SCMH1: variants seen among roughly 807,000 people sequenced by gnomAD.
SCMH1 encodes the protein Scm polycomb group protein homolog 1, also known as polycomb protein SCMH1.
A neutral mutation model predicts 70.8 loss-of-function variants in SCMH1; 37 were observed. The observed-to-expected ratio is 0.52, with a 90% CI of 0.40 to 0.69. The LOEUF is 0.69. SCMH1 is among the 30% of genes least tolerant of loss of function. The pLI, the probability that SCMH1 is intolerant of heterozygous loss-of-function variation, is 0.00. For synonymous variants in SCMH1, 292 were observed against 307.4 expected, an observed-to-expected ratio of 0.95 and a Z score of 0.52; for missense variants, 607 against 827.3, an observed-to-expected ratio of 0.73 and a Z score of 3.27.
At chr1:41,127,239 T>A (rs1156936935) in intron 6 of SCMH1, among the ~76,000 whole-genome samples, 1 of 152,218 alleles carries the variant, frequency 6.6e-6, no homozygotes, top group Non-Finnish European at 1.5e-5. Context: ...TTATGAGTGT[T>A]CTTTATGAAT....
rs148626306 is a variant in SCMH1, at chr1:41,143,885, C to T, written c.178-773G>A. 9.2e-5 allele frequency among the ~76,000 whole-genome samples: 14 copies of T among 152,324 alleles called. No individual in the cohort carries two copies. The East Asian group carries it at 2.7e-3, about 29-fold the overall frequency. Reference sequence around the variant, plus strand: ...GTCTAGCTTCTTTCACTCAGCATAACTACTCTGATAATTCATCCATATTAG... The same window carrying T: ...GTCTAGCTTCTTTCACTCAGCATAATTACTCTGATAATTCATCCATATTAG... On this transcript the variant is annotated intron_variant, in intron 5 of 14. Transcript: ENST00000337495.
chr1:41,118,956 C>T (rs1011587797), intron 6 of SCMH1, among the ~76,000 whole-genome samples: 2 of 152,216 alleles, frequency 1.3e-5, no homozygotes, highest in Non-Finnish European at 2.9e-5. Context: ...CAATCACTTT[C>T]TATTGACTAT....
At chr1:41,037,153 G>T (rs1645419527) in intron 13 of SCMH1, among the ~76,000 whole-genome samples, 1 of 152,264 alleles carries the variant, frequency 6.6e-6, no homozygotes, top group South Asian at 2.1e-4. Context: ...CTAGGTCTTT[G>T]GCTCTTAGTT....
At chr1:41,116,610 T>C (rs568605790) in intron 7 of SCMH1, among the ~76,000 whole-genome samples, 1 of 152,210 alleles carries the variant, frequency 6.6e-6, no homozygotes, top group Non-Finnish European at 1.5e-5. Context: ...AACTCCAAGA[T>C]CTATAATAAG....
intron 1 of SCMH1, among the ~76,000 whole-genome samples, chr1:41,212,205 G>A (rs1370024534): frequency 6.6e-6 from 1 of 152,144 alleles, no homozygotes; most frequent in Non-Finnish European, 1.5e-5. Flanking sequence ...TTTAGTATTT[G>A]TAAGTCACTC....
At chr1:41,175,851 T>C (rs1001102035) in intron 2 of SCMH1, among the ~76,000 whole-genome samples, 1 of 152,176 alleles carries the variant, frequency 6.6e-6, no homozygotes, top group Non-Finnish European at 1.5e-5. Context: ...TCAGTAAAGA[T>C]TAAAAACTAG....
At chr1:41,189,066 G>A (rs1182195154) in intron 1 of SCMH1, among the ~76,000 whole-genome samples, 1 of 151,930 alleles carries the variant, frequency 6.6e-6, no homozygotes, top group Non-Finnish European at 1.5e-5. Context: ...GGAAGGACAA[G>A]CTACAGGGAG....
chr1:41,168,741 C>T (rs1646587774), intron 2 of SCMH1, among the ~76,000 whole-genome samples: 1 of 150,950 alleles, frequency 6.6e-6, no homozygotes, highest in Admixed American at 6.6e-5. Context: ...AGACTGGCCT[C>T]ATGTAGGAGA....
intron 1 of SCMH1, among the ~76,000 whole-genome samples, chr1:41,228,972 G>GA (rs1412584116): frequency 6.6e-6 from 1 of 152,136 alleles, no homozygotes; most frequent in Non-Finnish European, 1.5e-5. Context: ...AAGGTGGGTG[G>GA]ATCACCTGAG....
intron 4 of SCMH1, among the ~76,000 whole-genome samples, chr1:41,157,236 A>G (rs1002451091): frequency 2.0e-5 from 3 of 152,192 alleles, no homozygotes; most frequent in Non-Finnish European, 2.9e-5. Context: ...TGTTTTAACA[A>G]TTTCCATAAT....
intron 1 of SCMH1, among the ~76,000 whole-genome samples, chr1:41,208,997 A>T (rs897131499): frequency 6.6e-6 from 1 of 152,228 alleles, no homozygotes; most frequent in Non-Finnish European, 1.5e-5. Flanking sequence ...ACTAGTAAAG[A>T]AGAAAAGAGA....
intron 9 of SCMH1, among the ~76,000 whole-genome samples, chr1:41,074,707 C>A (rs139886464): frequency 6.6e-6 from 1 of 152,296 alleles, no homozygotes; most frequent in Non-Finnish European, 1.5e-5. Context: ...TGTTTCCTAT[C>A]CTCCCCAATT....
At chr1:41,181,533 G>A (rs575397110) in intron 2 of SCMH1, among the ~76,000 whole-genome samples, 3 of 152,222 alleles carry the variant, frequency 2.0e-5, no homozygotes, top group Non-Finnish European at 2.9e-5. Flanking sequence ...CAAAAAGTGG[G>A]CCAAGGATAT....
At chr1:41,107,102 T>C (rs1463107684) in intron 8 of SCMH1, among the ~76,000 whole-genome samples, 3 of 151,762 alleles carry the variant, frequency 2.0e-5, no homozygotes, top group Non-Finnish European at 4.4e-5. Context: ...ATTCTTAAGG[T>C]TTCAGCTTAG....
At chr1:41,240,062 TTG>T (rs1663203146) in intron 1 of SCMH1, among the ~76,000 whole-genome samples, 2 of 152,190 alleles carry the variant, frequency 1.3e-5, no homozygotes, top group African/African-American at 4.8e-5. Context: ...TATAGTTCCA[TTG>T]AGAATGGTGC....
intron 1 of SCMH1, among the ~76,000 whole-genome samples, chr1:41,212,670 A>G (rs1188674271): frequency 6.6e-6 from 1 of 152,180 alleles, no homozygotes; most frequent in Non-Finnish European, 1.5e-5. Flanking sequence ...AACCACCCCA[A>G]GCTCAGAAAC....
At chr1:41,155,984 CAAAAAAAAAAAA>C (rs386366781) in intron 4 of SCMH1, among the ~76,000 whole-genome samples, 2 of 74,626 alleles carry the variant, frequency 2.7e-5, no homozygotes, top group East Asian at 4.1e-4. Context: ...GACTCCGTCT[CAAAAAAAAAAAA>C]AAAAAAAAAA....
chr1:41,231,936 C>T (rs558386215), intron 1 of SCMH1, among the ~76,000 whole-genome samples: 5 of 151,358 alleles, frequency 3.3e-5, no homozygotes, highest in South Asian at 2.1e-4. Context: ...GCAGGAGAAT[C>T]GCTTGAACCC....
At chr1:41,159,647 G>A in intron 4 of SCMH1, 1 of 1,449,738 alleles carries the variant, frequency 6.9e-7, no homozygotes. Context: ...CCACACATCA[G>A]TACCTTAAAA....
Sources: allele counts gnomAD v4.1 joint callset (sites outside exome capture counted in the v4.1 genomes callset), GRCh38; gene constraint gnomAD v4.1.1; transcripts MANE v1.5; gene names NCBI Gene and HGNC (gene_info 2026-07-23, HGNC 2026-07-21).